Variants in ARK2N observed in about 807,000 individuals in gnomAD.
The protein encoded by ARK2N is protein ARK2N.
chr18:46,222,413 G>A, the ARK2N span, among the ~76,000 whole-genome samples: 1 of 152,102 alleles, frequency 6.6e-6, no homozygotes, highest in African/African-American at 2.4e-5. Flanking sequence ...CTTCATTTAA[G>A]CGATTATTTG....
At chr18:46,235,137 C>T in the ARK2N span, among the ~76,000 whole-genome samples, 1 of 152,176 alleles carries the variant, frequency 6.6e-6, no homozygotes, top group South Asian at 2.1e-4. Flanking sequence ...AGTGGGGGTG[C>T]TCTTGTAGGC....
chr18:46,177,722 C>T, the ARK2N span, among the ~76,000 whole-genome samples: 4 of 151,912 alleles, frequency 2.6e-5, no homozygotes, highest in East Asian at 1.9e-4. Context: ...CCACCGTGCC[C>T]GGCCTTGAGA....
At chr18:46,228,540 C>G in the ARK2N span, among the ~76,000 whole-genome samples, 3 of 151,026 alleles carry the variant, frequency 2.0e-5, no homozygotes, top group Non-Finnish European at 3.0e-5. Flanking sequence ...TTTTTTTTGC[C>G]TTTAAGAAAA....
At chr18:46,240,235 C>T in the ARK2N span, 1 of 1,592,338 alleles carries the variant, frequency 6.3e-7, no homozygotes, top group Non-Finnish European at 8.6e-7. Context: ...ATGCATGTGT[C>T]CTGGAGCTGT....
the ARK2N span, among the ~76,000 whole-genome samples, chr18:46,201,264 C>T: frequency 0.013 from 2,023 of 152,206 alleles, 22 homozygotes; most frequent in Middle Eastern, 0.02. Context: ...GGATTGCAAA[C>T]GTGATCTACT....
chr18:46,208,908 G>T, the ARK2N span, among the ~76,000 whole-genome samples: 1 of 152,180 alleles, frequency 6.6e-6, no homozygotes, highest in East Asian at 1.9e-4. Context: ...GGTAATATTA[G>T]TATGTAATTT....
chr18:46,216,984 A>G, the ARK2N span: 2 of 175,846 alleles, frequency 1.1e-5, no homozygotes, highest in African/African-American at 2.4e-5. The surrounding 1 kb of genome is among the most constrained non-coding windows in gnomAD (Gnocchi z 4.3). Context: ...TTGCTTTATT[A>G]TATAGCCACT....
At chr18:46,175,163 C>T in the ARK2N span, among the ~76,000 whole-genome samples, 1 of 126,516 alleles carries the variant, frequency 7.9e-6, no homozygotes, top group Admixed American at 9.6e-5. Flanking sequence ...AAAATTGATG[C>T]TCACAGGTTG....
the ARK2N span, among the ~76,000 whole-genome samples, chr18:46,251,111 C>T: frequency 6.6e-6 from 1 of 152,080 alleles, no homozygotes; most frequent in African/African-American, 2.4e-5. Flanking sequence ...ATTGTAGGTA[C>T]AAACAAATAA....
At chr18:46,246,341 G>A in the ARK2N span, among the ~76,000 whole-genome samples, 1 of 152,102 alleles carries the variant, frequency 6.6e-6, no homozygotes, top group Non-Finnish European at 1.5e-5. Flanking sequence ...TGCTGAAGAG[G>A]GTTACAGTGA....
At chr18:46,263,570 G>A in the ARK2N span, 1 of 155,064 alleles carries the variant, frequency 6.4e-6, no homozygotes, top group Non-Finnish European at 1.4e-5. Context: ...ACACATATCA[G>A]TCAGGTCCTT....
At chr18:46,242,707 C>A in the ARK2N span, among the ~76,000 whole-genome samples, 1 of 152,150 alleles carries the variant, frequency 6.6e-6, no homozygotes, top group Non-Finnish European at 1.5e-5. Flanking sequence ...ATTGGTATCA[C>A]ATTGAAGGTA....
the ARK2N span, among the ~76,000 whole-genome samples, chr18:46,191,986 CT>C: frequency 6.6e-6 from 1 of 152,094 alleles, no homozygotes; most frequent in Admixed American, 6.5e-5. Flanking sequence ...TGGTAGCTCA[CT>C]TCTTCTTATG....
chr18:46,263,077 C>T, the ARK2N span: 1 of 1,614,002 alleles, frequency 6.2e-7, no homozygotes, highest in Non-Finnish European at 8.5e-7. Context: ...AGTTGTTGAC[C>T]TTACCTTGGA....
chr18:46,265,865 A>G, the ARK2N span: 2 of 152,610 alleles, frequency 1.3e-5, no homozygotes, highest in African/African-American at 4.8e-5. Context: ...CTTCAGAGTA[A>G]TCTCTCTGCT....
chr18:46,239,876 C>T, the ARK2N span: 1 of 819,386 alleles, frequency 1.2e-6, no homozygotes, highest in Non-Finnish European at 2.0e-6. Flanking sequence ...AATATTAGAT[C>T]TATAAAGTGC....
the ARK2N span, chr18:46,216,709 A>T: frequency 2.1e-6 from 2 of 950,328 alleles, no homozygotes; most frequent in Non-Finnish European, 3.1e-6. This position sits in a 1 kb window ranked among gnomAD's most constrained non-coding sequence, Gnocchi z 4.3. Flanking sequence ...GCTCTGTGTA[A>T]ATTTGAAGAC....
the ARK2N span, among the ~76,000 whole-genome samples, chr18:46,238,776 T>C: frequency 6.6e-6 from 1 of 152,200 alleles, no homozygotes; most frequent in Non-Finnish European, 1.5e-5. Flanking sequence ...CAAAGTGTGT[T>C]TTTGTTCAGT....
chr18:46,226,734 A>C, the ARK2N span, among the ~76,000 whole-genome samples: 5 of 152,074 alleles, frequency 3.3e-5, no homozygotes, highest in East Asian at 5.8e-4. Context: ...TTAGGATGAC[A>C]GTCTTCAATA....
Sources: allele counts gnomAD v4.1 joint callset (sites outside exome capture counted in the v4.1 genomes callset), GRCh38; gene constraint gnomAD v4.1.1; non-coding constraint Gnocchi (gnomAD v3.1); transcripts MANE v1.5; gene names NCBI Gene and HGNC (gene_info 2026-07-23, HGNC 2026-07-21).